ADIPOR2: variants seen among roughly 807,000 people sequenced by gnomAD.
The protein encoded by ADIPOR2 is adiponectin receptor 2.
In ADIPOR2, 18 loss-of-function variants were observed where a neutral mutation model predicts 40.9. That is an observed-to-expected ratio of 0.44 (90% CI 0.30 to 0.65). ADIPOR2 has a LOEUF of 0.65. ADIPOR2 is among the 30% of genes least tolerant of loss of function. The probability of loss-of-function intolerance (pLI) is 0.09; values close to 1 mark genes in which losing one functional copy is unlikely to be tolerated. For missense variants in ADIPOR2, 283 were observed against 479.2 expected, an observed-to-expected ratio of 0.59 and a Z score of 3.82; for synonymous variants, 165 against 166.4, an observed-to-expected ratio of 0.99 and a Z score of 0.06.
chr12:1,744,733 T>C (rs1565646031), intron 1 of ADIPOR2, among the ~76,000 whole-genome samples: 1 of 152,236 alleles, frequency 6.6e-6, no homozygotes, highest in Admixed American at 6.5e-5. Context: ...ACCTTACAAT[T>C]AAAAAATCCT....
intron 2 of ADIPOR2, chr12:1,757,565 G>A: frequency 1.0e-6 from 1 of 959,090 alleles, no homozygotes; most frequent in Non-Finnish European, 1.7e-6. Context: ...TCACCTTGAT[G>A]AGGGAATCAG....
intron 1 of ADIPOR2, among the ~76,000 whole-genome samples, chr12:1,699,712 T>G (rs1370224013): frequency 1.3e-5 from 2 of 152,242 alleles, no homozygotes; most frequent in African/African-American, 4.8e-5. Flanking sequence ...TCTCTCATCT[T>G]TCAACTCTAA....
chr12:1,757,113 G>T (rs767297294), intron 2 of ADIPOR2: 18 of 242,446 alleles, frequency 7.4e-5, no homozygotes, highest in Non-Finnish European at 1.3e-4. Flanking sequence ...GAATTTTCAA[G>T]CTTGAAAGAA....
intron 1 of ADIPOR2, among the ~76,000 whole-genome samples, chr12:1,726,565 G>C (rs764296902): frequency 6.6e-6 from 1 of 152,144 alleles, no homozygotes; most frequent in Non-Finnish European, 1.5e-5. Context: ...CGGTATTTGA[G>C]AGTCAAGAGA....
intron 1 of ADIPOR2, among the ~76,000 whole-genome samples, chr12:1,709,598 A>C (rs1432188478): frequency 6.6e-6 from 1 of 152,218 alleles, no homozygotes; most frequent in Non-Finnish European, 1.5e-5. Flanking sequence ...CTGAATTTGT[A>C]ACGTAGAAGT....
At chr12:1,729,468 C>T (rs937231987) in intron 1 of ADIPOR2, among the ~76,000 whole-genome samples, 2 of 151,242 alleles carry the variant, frequency 1.3e-5, no homozygotes, top group Non-Finnish European at 3.0e-5. Flanking sequence ...ATATTTATTA[C>T]AATTTTTTAA....
At chr12:1,744,740 T>C (rs918101094) in intron 1 of ADIPOR2, among the ~76,000 whole-genome samples, 3 of 152,218 alleles carry the variant, frequency 2.0e-5, no homozygotes, top group African/African-American at 4.8e-5. Flanking sequence ...AATTAAAAAA[T>C]CCTTTTATAT....
intron 1 of ADIPOR2, among the ~76,000 whole-genome samples, chr12:1,710,028 A>C (rs1448336636): frequency 5.9e-5 from 9 of 152,194 alleles, no homozygotes; most frequent in Non-Finnish European, 1.3e-4. Context: ...GTTCTAAAAC[A>C]TGGTGTAAAT....
chr12:1,770,059 A>G (rs968225439), intron 2 of ADIPOR2, among the ~76,000 whole-genome samples: 36 of 151,846 alleles, frequency 2.4e-4, no homozygotes, highest in Middle Eastern at 3.4e-3. Context: ...CTGGGACTGC[A>G]GACAGGCACG....
intron 1 of ADIPOR2, among the ~76,000 whole-genome samples, chr12:1,715,849 G>A (rs939595352): frequency 2.6e-5 from 4 of 152,122 alleles, no homozygotes; most frequent in Non-Finnish European, 4.4e-5. Flanking sequence ...AAATGGACCA[G>A]TCAGCACCCT....
intron 2 of ADIPOR2, chr12:1,757,866 T>C (rs774026845): frequency 1.2e-6 from 1 of 822,370 alleles, no homozygotes; most frequent in Non-Finnish European, 2.2e-6. Context: ...CTTAAGTCTG[T>C]TCCTTAGGAA....
At chr12:1,699,183 G>A (rs1044822274) in intron 1 of ADIPOR2, among the ~76,000 whole-genome samples, 1 of 152,164 alleles carries the variant, frequency 6.6e-6, no homozygotes, top group African/African-American at 2.4e-5. Flanking sequence ...GGCAGTTCCG[G>A]TATATAGCAG....
Position 1,777,941 on chromosome 12 carries a change from C to A in ADIPOR2, c.379C>A (p.Pro127Thr), listed in dbSNP as rs777017692. 1 of 1,614,074 alleles carries A rather than the reference C, an allele frequency of 6.2e-7. No homozygotes were observed. The highest frequency in any genetic ancestry group is 8.5e-7 in the Non-Finnish European group (1 of 1,179,982). ...DNDFLLHGHR[P>T]PMPSFRACFK... ...TGACTTCCTCTTGCATGGACACCGGCCTCCTATGCCTTCTTTCCGGGCCTG... is the reference window on the plus strand; with the variant it reads ...TGACTTCCTCTTGCATGGACACCGGACTCCTATGCCTTCTTTCCGGGCCTG... Residue 127 changes from proline to threonine, a missense_variant, in exon 4 of 8, where the codon CCT (proline) becomes ACT (threonine). Around this residue, in one of 3 missense-constraint regions of ADIPOR2, gnomAD observed 112 missense variants for 249.5 expected, o/e 0.45. Transcript: ENST00000357103.
At chr12:1,773,723 TTTA>T (rs1862533288) in intron 3 of ADIPOR2, among the ~76,000 whole-genome samples, 1 of 152,066 alleles carries the variant, frequency 6.6e-6, no homozygotes, top group Non-Finnish European at 1.5e-5. Flanking sequence ...TGGAGAACTC[TTTA>T]TTATTTAGAG....
intron 2 of ADIPOR2, among the ~76,000 whole-genome samples, chr12:1,765,437 C>G (rs552041857): frequency 6.6e-6 from 1 of 152,210 alleles, no homozygotes; most frequent in African/African-American, 2.4e-5. Context: ...CATGTTTGAT[C>G]TAGATTTCCA....
At chr12:1,770,582 A>C (rs1861298317) in intron 2 of ADIPOR2, among the ~76,000 whole-genome samples, 1 of 152,242 alleles carries the variant, frequency 6.6e-6, no homozygotes, top group African/African-American at 2.4e-5. Context: ...AATTAGGCAC[A>C]GCCCTCATTA....
intron 2 of ADIPOR2, 108 bp downstream of exon 2, chr12:1,754,622 G>C: frequency 3.5e-6 from 4 of 1,127,806 alleles, no homozygotes; most frequent in South Asian, 3.9e-5. Context: ...GGGAGGATGG[G>C]GTGGTAAGAA....
At chr12:1,778,745 G>A (rs1565658538) in intron 4 of ADIPOR2, 1 of 152,114 alleles carries the variant, frequency 6.6e-6, no homozygotes. Context: ...TCAAGAAAGT[G>A]AAAAGACAAC....
chr12:1,714,558 A>G (rs1404797161), intron 1 of ADIPOR2, among the ~76,000 whole-genome samples: 1 of 152,090 alleles, frequency 6.6e-6, no homozygotes, highest in Non-Finnish European at 1.5e-5. Flanking sequence ...GGTGGATGTC[A>G]TTGAATAATT....
Sources: allele counts gnomAD v4.1 joint callset (sites outside exome capture counted in the v4.1 genomes callset), GRCh38; gene constraint gnomAD v4.1.1; regional missense constraint gnomAD v4.1.1; transcripts MANE v1.5; gene names NCBI Gene and HGNC (gene_info 2026-07-23, HGNC 2026-07-21).